TMTC2: variants seen among roughly 807,000 people sequenced by gnomAD.
TMTC2 encodes the protein transmembrane O-mannosyltransferase targeting cadherins 2.
Under a neutral mutation model 82.4 loss-of-function variants are expected in TMTC2, and 43 were observed. The observed-to-expected ratio is 0.52, with a 90% CI of 0.41 to 0.67. The LOEUF (loss-of-function observed/expected upper bound fraction) is 0.67, where lower values mean the gene tolerates loss of function less well. Ranked by LOEUF, TMTC2 falls within the 30% of genes least tolerant of loss-of-function variation. The pLI, the probability that TMTC2 is intolerant of heterozygous loss-of-function variation, is 0.00. For synonymous variants in TMTC2, 408 were observed against 381.9 expected, an observed-to-expected ratio of 1.07 and a Z score of -0.80; for missense variants, 919 against 1,012.4, an observed-to-expected ratio of 0.91 and a Z score of 1.25.
At chr12:82,805,374 T>C (rs1435389543) in intron 1 of TMTC2, among the ~76,000 whole-genome samples, 3 of 152,128 alleles carry the variant, frequency 2.0e-5, no homozygotes, top group Admixed American at 1.3e-4. Flanking sequence ...CACAGGTCTT[T>C]GAATAAATTT....
chr12:83,106,051 GATTAA>G (rs1884381836), intron 11 of TMTC2, among the ~76,000 whole-genome samples: 1 of 152,102 alleles, frequency 6.6e-6, no homozygotes, highest in Non-Finnish European at 1.5e-5. Flanking sequence ...AAAACTCAAT[GATTAA>G]ATTAAATAGG....
chr12:82,730,589 A>G (rs1046451237), intron 1 of TMTC2, among the ~76,000 whole-genome samples: 3 of 152,200 alleles, frequency 2.0e-5, no homozygotes, highest in Non-Finnish European at 2.9e-5. Context: ...AGAGATTAGC[A>G]CTTTTAGCAC....
intron 1 of TMTC2, among the ~76,000 whole-genome samples, chr12:82,695,021 A>G (rs1026451736): frequency 1.1e-4 from 16 of 152,236 alleles, no homozygotes; most frequent in African/African-American, 3.9e-4. Context: ...ATCATTTAGA[A>G]GTATTTTAAC....
chr12:82,861,328 G>C (rs1871536247), intron 2 of TMTC2, among the ~76,000 whole-genome samples: 4 of 152,262 alleles, frequency 2.6e-5, no homozygotes, highest in Non-Finnish European at 4.4e-5. Flanking sequence ...TCTACATCCG[G>C]ATGTAGTGAT....
chr12:82,886,133 AG>A (rs1376852024), intron 2 of TMTC2, among the ~76,000 whole-genome samples: 3 of 152,116 alleles, frequency 2.0e-5, no homozygotes, highest in African/African-American at 7.2e-5. Flanking sequence ...GAGCTCTTTA[AG>A]TGGGTTCCTG....
At chr12:82,747,836 A>G (rs1875769421) in intron 1 of TMTC2, among the ~76,000 whole-genome samples, 1 of 152,192 alleles carries the variant, frequency 6.6e-6, no homozygotes, top group African/African-American at 2.4e-5. Context: ...TAGCTTGTAG[A>G]TAGTTCTAAT....
In TMTC2 at chr12:82,868,130, C is replaced by T. The variant is rs557672099; in HGVS notation, c.654+10550C>T. On this transcript the variant is annotated intron_variant, in intron 2 of 11. Coordinates refer to ENST00000321196, the MANE Select transcript of TMTC2 (RefSeq NM_152588.3). The stretch of plus-strand genomic sequence containing the variant: ...ATATAGTAAATGTGTACTCTTTTGC[C>T]ACGTCCCTGTCTTATAGCAGGTATC... 2.8e-4 allele frequency among the ~76,000 whole-genome samples: 42 copies of T among 152,238 alleles called. 1 individual carries two copies. In the South Asian group the frequency reaches 8.3e-3, roughly 30 times the overall value.
chr12:83,004,193 T>G (rs1295944343), intron 8 of TMTC2, among the ~76,000 whole-genome samples: 1 of 152,216 alleles, frequency 6.6e-6, no homozygotes, highest in Non-Finnish European at 1.5e-5. Flanking sequence ...TGACATTCCT[T>G]GTGAATTTTT....
intron 1 of TMTC2, among the ~76,000 whole-genome samples, chr12:82,788,384 AAT>A (rs1228588294): frequency 6.6e-6 from 1 of 152,104 alleles, no homozygotes; most frequent in Non-Finnish European, 1.5e-5. Context: ...AGTGAAGTTG[AAT>A]TTAGATGGCA....
At chr12:83,019,144 AT>A (rs1198325277) in intron 8 of TMTC2, among the ~76,000 whole-genome samples, 1 of 47,434 alleles carries the variant, frequency 2.1e-5, no homozygotes, top group African/African-American at 5.8e-5. Context: ...TCCTCTTCTA[AT>A]TTTAAACTAA....
intron 9 of TMTC2, among the ~76,000 whole-genome samples, chr12:83,037,565 A>C (rs1211703820): frequency 6.6e-6 from 1 of 152,184 alleles, no homozygotes; most frequent in Non-Finnish European, 1.5e-5. Flanking sequence ...CATCAGCAAT[A>C]CACAGATATG....
At chr12:82,868,579 A>C (rs1871989777) in intron 2 of TMTC2, among the ~76,000 whole-genome samples, 1 of 151,738 alleles carries the variant, frequency 6.6e-6, no homozygotes, top group Admixed American at 6.6e-5. Context: ...TGGAGGGGAG[A>C]CAGGTTTTTC....
chr12:83,094,595 C>T (rs1883959751), intron 11 of TMTC2, among the ~76,000 whole-genome samples: 1 of 152,054 alleles, frequency 6.6e-6, no homozygotes, highest in African/African-American at 2.4e-5. Context: ...CGAAGAAAGA[C>T]CAATACTACT....
intron 3 of TMTC2, among the ~76,000 whole-genome samples, chr12:82,901,365 T>C (rs1046938692): frequency 1.4e-5 from 2 of 147,452 alleles, no homozygotes; most frequent in Non-Finnish European, 3.0e-5. Context: ...CATGCAGTGG[T>C]GCGATCTTGG....
chr12:82,740,974 T>A (rs1285946316), intron 1 of TMTC2, among the ~76,000 whole-genome samples: 1 of 152,208 alleles, frequency 6.6e-6, no homozygotes, highest in East Asian at 1.9e-4. Context: ...TCTGTCTTGA[T>A]GTGAAGGAGG....
Position 83,042,415 on chromosome 12 carries a change from G to A in TMTC2, c.2153-8489G>A, listed in dbSNP as rs118032908. 7.7e-3 allele frequency among the ~76,000 whole-genome samples: 1,173 copies of A among 152,258 alleles called. 7 individuals are homozygous for A. The highest frequency in any genetic ancestry group is 0.017 in the Middle Eastern group (5 of 294). ...ATGAGGTTGTATTCCTCGTCTAGTT[G>A]CATCCTTCTCTTCCTCTTTAAGTGA... On this transcript the variant is annotated intron_variant, in intron 9 of 11. Transcript: ENST00000321196.
intron 11 of TMTC2, among the ~76,000 whole-genome samples, chr12:83,121,714 T>C (rs1884953185): frequency 6.6e-6 from 1 of 151,968 alleles, no homozygotes; most frequent in Non-Finnish European, 1.5e-5. Flanking sequence ...GCCCTAGAAC[T>C]CTTAAGAGTA....
intron 4 of TMTC2, among the ~76,000 whole-genome samples, chr12:82,955,945 C>T (rs1454086915): frequency 6.6e-6 from 1 of 151,950 alleles, no homozygotes; most frequent in African/African-American, 2.4e-5. Flanking sequence ...ATTTCTCCCC[C>T]AAAAGGCACT....
intron 1 of TMTC2, among the ~76,000 whole-genome samples, chr12:82,767,525 G>A (rs554083557): frequency 2.0e-5 from 3 of 152,264 alleles, no homozygotes; most frequent in Non-Finnish European, 2.9e-5. Context: ...AGTCGAGGCT[G>A]CAGTGAGCTG....
Sources: gnomAD v4.1 joint callset for allele counts (sites outside exome capture counted in the v4.1 genomes callset) on GRCh38, gnomAD v4.1.1 for gene constraint, MANE v1.5 for transcripts, NCBI Gene and HGNC (gene_info 2026-07-23, HGNC 2026-07-21) for gene names.